The following CNTN5 variants were observed in gnomAD, a reference collection of about 807,000 sequenced individuals.
CNTN5 encodes the protein contactin 5.
In CNTN5, 77 loss-of-function variants were observed where a neutral mutation model predicts 129.1. That is an observed-to-expected ratio of 0.60 (90% CI 0.50 to 0.72). The LOEUF (loss-of-function observed/expected upper bound fraction) is 0.72, where lower values mean the gene tolerates loss of function less well. Among genes scored for constraint, CNTN5 ranks in the 30% least tolerant of loss-of-function variants. The pLI is 0.00. For missense variants in CNTN5, 1,478 were observed against 1,328.8 expected, an observed-to-expected ratio of 1.11 and a Z score of -1.75; for synonymous variants, 509 against 465.6, an observed-to-expected ratio of 1.09 and a Z score of -1.20.
intron 13 of CNTN5, among the ~76,000 whole-genome samples, chr11:100,163,199 CTTAAA>C (rs754751136): frequency 6.7e-4 from 102 of 151,836 alleles, no homozygotes; most frequent in African/African-American, 2.2e-3. Context: ...TTTGGAGAAT[CTTAAA>C]TTAAGATTGA....
chr11:99,694,769 C>T (rs530735792), intron 3 of CNTN5, among the ~76,000 whole-genome samples: 13 of 151,894 alleles, frequency 8.6e-5, no homozygotes, highest in East Asian at 1.9e-4. Flanking sequence ...TGAGAACATG[C>T]GGTGTTTGGT....
intron 6 of CNTN5, among the ~76,000 whole-genome samples, chr11:99,848,509 C>T (rs1008514817): frequency 3.3e-5 from 5 of 151,690 alleles, no homozygotes; most frequent in Non-Finnish European, 5.9e-5. Context: ...ATATTTAATC[C>T]AATTTTGTTA....
intron 2 of CNTN5, among the ~76,000 whole-genome samples, chr11:99,410,925 G>A (rs904783844): frequency 1.3e-5 from 2 of 152,074 alleles, no homozygotes; most frequent in Non-Finnish European, 2.9e-5. Context: ...AATCTTAGAA[G>A]TTTCCAAACC....
chr11:99,217,202 A>T (rs971747546), intron 1 of CNTN5, among the ~76,000 whole-genome samples: 1 of 152,154 alleles, frequency 6.6e-6, no homozygotes, highest in African/African-American at 2.4e-5. Context: ...AAATAATCAA[A>T]GTATATAAGG....
intron 9 of CNTN5, among the ~76,000 whole-genome samples, chr11:100,042,673 A>C (rs1161223058): frequency 2.6e-5 from 4 of 152,230 alleles, no homozygotes; most frequent in African/African-American, 9.6e-5. Flanking sequence ...AAGTTCATCC[A>C]ACACTTTCCA....
intron 4 of CNTN5, among the ~76,000 whole-genome samples, chr11:99,841,173 G>A (rs1400697980): frequency 6.6e-6 from 1 of 152,148 alleles, no homozygotes; most frequent in Non-Finnish European, 1.5e-5. Context: ...AAATGATGGA[G>A]TCACTGAATA....
At chr11:99,432,260 A>G (rs576731978) in intron 2 of CNTN5, among the ~76,000 whole-genome samples, 1 of 152,262 alleles carries the variant, frequency 6.6e-6, no homozygotes, top group South Asian at 2.1e-4. Flanking sequence ...CATGAGAAAA[A>G]CAGAGGGCAG....
intron 13 of CNTN5, among the ~76,000 whole-genome samples, chr11:100,123,122 G>A (rs1022806753): frequency 2.0e-5 from 3 of 151,748 alleles, no homozygotes; most frequent in Admixed American, 6.6e-5. Flanking sequence ...TTTTTATTCC[G>A]ATACTATTTT....
At chr11:99,744,843 T>C (rs1258242180) in intron 3 of CNTN5, among the ~76,000 whole-genome samples, 2 of 152,108 alleles carry the variant, frequency 1.3e-5, no homozygotes, top group African/African-American at 4.8e-5. Context: ...GCACATACTA[T>C]GTAGGGAAAG....
intron 18 of CNTN5, among the ~76,000 whole-genome samples, chr11:100,280,077 C>G (rs1335381531): frequency 6.6e-6 from 1 of 151,494 alleles, no homozygotes; most frequent in Non-Finnish European, 1.5e-5. Flanking sequence ...ATGGGTCATT[C>G]AGGAGCATTT....
intron 6 of CNTN5, among the ~76,000 whole-genome samples, chr11:99,900,024 G>C (rs61911643): frequency 0.13 from 19,700 of 151,516 alleles, 1,503 homozygotes; most frequent in East Asian, 0.18. Flanking sequence ...CGTTCATAAA[G>C]GTCATCATAC....
intron 18 of CNTN5, among the ~76,000 whole-genome samples, chr11:100,272,731 C>T (rs886930517): frequency 2.6e-5 from 4 of 152,056 alleles, no homozygotes; most frequent in Admixed American, 2.6e-4. Context: ...ACAGCACACC[C>T]GGATTTATTT....
At chr11:99,226,408 T>G (rs1860688804) in intron 1 of CNTN5, among the ~76,000 whole-genome samples, 1 of 152,204 alleles carries the variant, frequency 6.6e-6, no homozygotes, top group African/African-American at 2.4e-5. Flanking sequence ...CAGGTGACTT[T>G]GAATGATATT....
At chr11:100,059,261 C>T (rs1006226739) in intron 9 of CNTN5, among the ~76,000 whole-genome samples, 5 of 152,096 alleles carry the variant, frequency 3.3e-5, no homozygotes, top group Admixed American at 2.6e-4. Context: ...GAGATCCAAA[C>T]ATTTTAAAAT....
intron 1 of CNTN5, among the ~76,000 whole-genome samples, chr11:99,021,657 A>G (rs1862874675): frequency 1.3e-5 from 2 of 152,232 alleles, no homozygotes; most frequent in Non-Finnish European, 1.5e-5. Flanking sequence ...CAGGTACTGA[A>G]TGTATGCCTT....
intron 6 of CNTN5, among the ~76,000 whole-genome samples, chr11:99,861,942 A>C (rs972108368): frequency 2.6e-5 from 4 of 152,230 alleles, no homozygotes; most frequent in Non-Finnish European, 1.5e-5. Flanking sequence ...TTTCACAGTT[A>C]AAGTTTAGAA....
chr11:99,202,415 T>C (rs1859256020), intron 1 of CNTN5, among the ~76,000 whole-genome samples: 1 of 152,180 alleles, frequency 6.6e-6, no homozygotes, highest in East Asian at 1.9e-4. Flanking sequence ...TCACAGATAA[T>C]GGCAAACAGA....
At chr11:100,111,553 C>A (rs1360174698) in intron 13 of CNTN5, among the ~76,000 whole-genome samples, 1 of 152,164 alleles carries the variant, frequency 6.6e-6, no homozygotes, top group African/African-American at 2.4e-5. Flanking sequence ...CCAAAAGAGA[C>A]AATAATGTTG....
At chr11:100,077,234 A>AT (rs1944167227) in intron 13 of CNTN5, among the ~76,000 whole-genome samples, 1 of 152,190 alleles carries the variant, frequency 6.6e-6, no homozygotes, top group Non-Finnish European at 1.5e-5. Context: ...AGTTTGTGTC[A>AT]TTTTTTAATT....
Sources: gnomAD v4.1 joint callset for allele counts (sites outside exome capture counted in the v4.1 genomes callset) on GRCh38, gnomAD v4.1.1 for gene constraint, MANE v1.5 for transcripts, NCBI Gene and HGNC (gene_info 2026-07-23, HGNC 2026-07-21) for gene names.